The following LAMA3 variants were observed in gnomAD, a reference collection of about 807,000 sequenced individuals.
The protein encoded by LAMA3 is laminin subunit alpha 3.
Under a neutral mutation model 402.0 loss-of-function variants are expected in LAMA3, and 281 were observed. The ratio of observed to expected loss-of-function variants is 0.70; its 90% CI spans 0.63 to 0.77. LAMA3 has a LOEUF of 0.77. Among genes scored for constraint, LAMA3 ranks in the 30% least tolerant of loss-of-function variants. LAMA3 has a pLI of 0.00. For synonymous variants in LAMA3, 1,431 were observed against 1,558.4 expected (o/e 0.92, Z 1.93); for missense variants, 3,840 against 4,215.5 (o/e 0.91, Z 2.47).
intron 32 of LAMA3, among the ~76,000 whole-genome samples, chr18:23,851,068 G>T (rs753418504): frequency 6.6e-6 from 1 of 152,216 alleles, no homozygotes; most frequent in Non-Finnish European, 1.5e-5. Context: ...AAAGGTCATC[G>T]ACTTGGTGTT....
chr18:23,928,429 A>G (rs2082070882), intron 63 of LAMA3, among the ~76,000 whole-genome samples, 189 bp downstream of exon 63: 1 of 152,258 alleles, frequency 6.6e-6, no homozygotes, highest in African/African-American at 2.4e-5. Flanking sequence ...TTTGTAGGAA[A>G]GTAGGAAGAC....
intron 8 of LAMA3, among the ~76,000 whole-genome samples, chr18:23,767,332 A>G (rs1311160939): frequency 2.0e-5 from 3 of 152,222 alleles, no homozygotes; most frequent in Non-Finnish European, 2.9e-5. Context: ...ATTTCTATCT[A>G]TGTCATTTTT....
At chr18:23,855,492 G>A (rs948433) in intron 32 of LAMA3, among the ~76,000 whole-genome samples, 24,128 of 152,150 alleles carry the variant, frequency 0.16, 4,270 homozygotes, top group African/African-American at 0.42. Flanking sequence ...TAAGGAATCA[G>A]CTGAGAACAG....
intron 12 of LAMA3, among the ~76,000 whole-genome samples, chr18:23,798,450 AC>A (rs1297546195): frequency 1.3e-5 from 2 of 152,026 alleles, no homozygotes; most frequent in African/African-American, 4.8e-5. Flanking sequence ...CTGTTAACAT[AC>A]TCTCCTGAGT....
Position 23,815,535 on chromosome 18 carries a change from A to G in LAMA3, c.2009A>G (p.Tyr670Cys), listed in dbSNP as rs2063159458. ...GDSCDTCEDG[Y>C]FALEKSNYFG... ...TCCTGCGACACCTGTGAAGATGGAT[A>G]TTTTGCTTTGGAAAAGAGCAATTAC... Residue 670 changes from tyrosine to cysteine, a missense_variant, in exon 17 of 75, where the codon TAT (tyrosine) becomes TGT (cysteine). Physicochemically the swap from Tyr to Cys is radical, Grantham distance 194. This residue lies in a region of LAMA3 where 2,109 missense variants were observed against 2,376.0 expected (regional missense o/e 0.89). Coordinates refer to ENST00000313654, the MANE Select transcript of LAMA3 (RefSeq NM_198129.4). 1 of 1,614,058 alleles carries G rather than the reference A, an allele frequency of 6.2e-7. No individual in the cohort carries two copies. Among genetic ancestry groups the G allele is most frequent in the South Asian group, 1.1e-5 (1 of 91,090 alleles).
chr18:23,901,595 A>G (rs2081073183), intron 48 of LAMA3, among the ~76,000 whole-genome samples: 1 of 152,200 alleles, frequency 6.6e-6, no homozygotes, highest in Non-Finnish European at 1.5e-5. Context: ...TGGAGGAATA[A>G]TGTTGCCAAA....
Position 23,916,555 on chromosome 18 carries a change from A to G in LAMA3, c.7783A>G (p.Lys2595Glu). 6.2e-7 allele frequency: 1 copy of G among 1,614,072 alleles called. No homozygotes were observed. The highest frequency in any genetic ancestry group is 8.5e-7 in the Non-Finnish European group (1 of 1,179,940). ...TTEVEPCRRRKEESDKNYFEG... is the reference protein window; with the variant it reads ...TTEVEPCRRREEESDKNYFEG... ...TATGATGATTAATGTTGACAGGAGG[A>G]AGGAAGAGTCAGACAAAAATTATTT... Residue 2595 changes from lysine (K) to glutamate (E), a missense_variant, in exon 60 of 75, where the codon AAG (lysine) becomes GAG (glutamate). Lys to Glu is a moderately conservative substitution (Grantham distance 56, BLOSUM62 1). Coordinates refer to ENST00000313654, the MANE Select transcript of LAMA3 (RefSeq NM_198129.4).
chr18:23,812,993 A>G lies in LAMA3; in HGVS notation c.1742-64A>G, dbSNP rs549234473. 2.1e-5 allele frequency: 23 copies of G among 1,120,406 alleles called. No homozygotes were observed. The East Asian group carries it at 2.8e-4, about 14-fold the overall frequency. 69.4% of individuals were successfully genotyped at this position (1,120,406 alleles called of 1,614,324 possible). A position where few individuals can be genotyped will look rare whatever the true frequency, so the allele number is the denominator to read the frequency against. On this transcript the variant is annotated intron_variant, in intron 13 of 74. Transcript: ENST00000313654. ...TTGAAAACAAAACGTTTAAAACTTG[A>G]AACATCAAAACAAAGAGAAAAACAA... is the stretch of plus-strand genomic sequence containing the variant.
chr18:23,869,237 A>AT (rs2064444542), intron 37 of LAMA3, among the ~76,000 whole-genome samples: 1 of 152,242 alleles, frequency 6.6e-6, no homozygotes, highest in Non-Finnish European at 1.5e-5. Context: ...TAAAGATGCA[A>AT]TTTATATGAT....
intron 6 of LAMA3, among the ~76,000 whole-genome samples, chr18:23,757,843 G>A (rs1201715798): frequency 1.3e-5 from 2 of 152,234 alleles, no homozygotes; most frequent in Admixed American, 6.5e-5. Context: ...TTGCTTCTCT[G>A]AGTGGTCTCA....
intron 2 of LAMA3, among the ~76,000 whole-genome samples, chr18:23,716,141 C>T (rs2061094475): frequency 6.6e-6 from 1 of 152,076 alleles, no homozygotes; most frequent in South Asian, 2.1e-4. Context: ...ACAATACTAA[C>T]CAAGAATTAC....
At chr18:23,691,791 T>G (rs2060592987) in intron 1 of LAMA3, among the ~76,000 whole-genome samples, 1 of 152,224 alleles carries the variant, frequency 6.6e-6, no homozygotes, top group South Asian at 2.1e-4. Context: ...AGACTGGTCT[T>G]GAACCCCTGG....
intron 1 of LAMA3, among the ~76,000 whole-genome samples, chr18:23,696,170 A>G (rs940032242): frequency 6.6e-6 from 1 of 152,230 alleles, no homozygotes; most frequent in African/African-American, 2.4e-5. Flanking sequence ...TAGTTTGCAC[A>G]GTAATTTGAT....
intron 42 of LAMA3, among the ~76,000 whole-genome samples, 200 bp downstream of exon 42, chr18:23,890,317 T>C (rs1345845068): frequency 1.3e-5 from 2 of 152,230 alleles, no homozygotes; most frequent in African/African-American, 2.4e-5. Context: ...AGATAGTATT[T>C]TCAGCTTTGG....
At chr18:23,830,269 C>T (rs543823835) in intron 23 of LAMA3, among the ~76,000 whole-genome samples, 2 of 152,014 alleles carry the variant, frequency 1.3e-5, no homozygotes, top group Non-Finnish European at 2.9e-5. Flanking sequence ...CAGAAGTCAC[C>T]CATCTTTAAA....
At chr18:23,694,814 G>A (rs1435754687) in intron 1 of LAMA3, among the ~76,000 whole-genome samples, 1 of 152,196 alleles carries the variant, frequency 6.6e-6, no homozygotes, top group Non-Finnish European at 1.5e-5. Context: ...AGCTTCCTGA[G>A]GGTGGGGCCC....
chr18:23,951,055 T>C (rs1162030190), intron 72 of LAMA3, among the ~76,000 whole-genome samples: 1 of 152,236 alleles, frequency 6.6e-6, no homozygotes, highest in Admixed American at 6.5e-5. Context: ...AAATTAAATG[T>C]AAATTATTTA....
chr18:23,893,341 C>T (rs2145045610), intron 42 of LAMA3, among the ~76,000 whole-genome samples: 1 of 152,258 alleles, frequency 6.6e-6, no homozygotes, highest in Admixed American at 6.5e-5. Flanking sequence ...CCAGGGTTGA[C>T]CAGCAGGCTT....
chr18:23,885,830 T>G (rs1293946344), intron 41 of LAMA3, among the ~76,000 whole-genome samples: 2 of 152,218 alleles, frequency 1.3e-5, no homozygotes, highest in African/African-American at 4.8e-5. Flanking sequence ...ACTCAAACGC[T>G]TTCACATACA....
Sources: allele counts gnomAD v4.1 joint callset (sites outside exome capture counted in the v4.1 genomes callset), GRCh38; gene constraint gnomAD v4.1.1; regional missense constraint gnomAD v4.1.1; transcripts MANE v1.5; gene names NCBI Gene and HGNC (gene_info 2026-07-23, HGNC 2026-07-21).